The following CNTNAP4 variants were observed in gnomAD, a reference collection of about 807,000 sequenced individuals.
CNTNAP4 encodes the protein contactin-associated protein-like 4.
CNTNAP4 carries 98 observed loss-of-function variants against 148.4 expected under a neutral mutation model. That is an observed-to-expected ratio of 0.66 (90% CI 0.56 to 0.78). The LOEUF is 0.78. Among genes scored for constraint, CNTNAP4 ranks in the 30% least tolerant of loss-of-function variants. CNTNAP4 has a pLI of 0.00. For missense variants in CNTNAP4, 1,935 were observed against 1,565.6 expected, an observed-to-expected ratio of 1.24 and a Z score of -3.98; for synonymous variants, 730 against 565.1, an observed-to-expected ratio of 1.29 and a Z score of -4.14.
Position 76,436,322 on chromosome 16 carries a change from A to G in CNTNAP4, c.538+8723A>G, listed in dbSNP as rs552496875. 5.9e-5 allele frequency among the ~76,000 whole-genome samples: 9 copies of G among 152,242 alleles called. No individual in the cohort carries two copies. In the East Asian group the frequency reaches 1.7e-3, roughly 30 times the overall value. On this transcript the variant is annotated intron_variant, in intron 4 of 23. Transcript: ENST00000611870. ...TTACAAGGTCAGTGTCCCCAGCTTC[A>G]TCAGGGTCCTCCCGCACATCCCCAT...
intron 3 of CNTNAP4, among the ~76,000 whole-genome samples, chr16:76,398,291 C>T (rs2078283329): frequency 6.6e-6 from 1 of 151,798 alleles, no homozygotes; most frequent in Non-Finnish European, 1.5e-5. Context: ...TGTTAATCTC[C>T]TTTGGCAACA....
chr16:76,320,412 C>G (rs1236695247), intron 2 of CNTNAP4, among the ~76,000 whole-genome samples: 1 of 152,098 alleles, frequency 6.6e-6, no homozygotes, highest in Non-Finnish European at 1.5e-5. Context: ...TTGGAACATT[C>G]TTGGCCTATT....
intron 2 of CNTNAP4, among the ~76,000 whole-genome samples, chr16:76,320,949 T>C (rs1425339741): frequency 6.6e-6 from 1 of 152,196 alleles, no homozygotes; most frequent in Admixed American, 6.5e-5. Context: ...GTACACCTCT[T>C]TAAGTATATA....
intron 15 of CNTNAP4, among the ~76,000 whole-genome samples, chr16:76,519,664 T>C (rs1597037994): frequency 6.6e-6 from 1 of 152,220 alleles, no homozygotes; most frequent in South Asian, 2.1e-4. Context: ...ATTTATTTTG[T>C]CCTAGAGATC....
At chr16:76,445,767 CA>C (rs1378262143) in intron 4 of CNTNAP4, among the ~76,000 whole-genome samples, 1 of 152,076 alleles carries the variant, frequency 6.6e-6, no homozygotes, top group Non-Finnish European at 1.5e-5. Context: ...TAGCTAATTT[CA>C]AAAATAGTCT....
intron 2 of CNTNAP4, among the ~76,000 whole-genome samples, chr16:76,323,512 T>C (rs567825685): frequency 1.3e-5 from 2 of 152,330 alleles, no homozygotes; most frequent in African/African-American, 2.4e-5. Flanking sequence ...TTTCTAAATA[T>C]GCTGATATCT....
At chr16:76,368,940 T>C (rs1247104418) in intron 3 of CNTNAP4, among the ~76,000 whole-genome samples, 1 of 152,146 alleles carries the variant, frequency 6.6e-6, no homozygotes, top group African/African-American at 2.4e-5. Context: ...AGAACAGTTA[T>C]GGAACACTTC....
chr16:76,310,366 T>C (rs1960970079), intron 1 of CNTNAP4, among the ~76,000 whole-genome samples: 1 of 152,202 alleles, frequency 6.6e-6, no homozygotes. Flanking sequence ...GCAAACATAA[T>C]TCCATACTTT....
chr16:76,315,258 T>G (rs543787468), intron 1 of CNTNAP4, among the ~76,000 whole-genome samples: 19 of 152,178 alleles, frequency 1.2e-4, no homozygotes, highest in Middle Eastern at 3.4e-3. Context: ...CTGAGTACAT[T>G]TTTATTTCCA....
intron 2 of CNTNAP4, among the ~76,000 whole-genome samples, chr16:76,324,269 A>G (rs974144340): frequency 1.3e-5 from 2 of 152,228 alleles, no homozygotes. Context: ...ATTAAAATAT[A>G]TTCACAAAAT....
At chr16:76,453,535 A>T (rs375903399) in intron 8 of CNTNAP4, among the ~76,000 whole-genome samples, 10 of 152,208 alleles carry the variant, frequency 6.6e-5, no homozygotes, top group African/African-American at 2.4e-4. Context: ...CATCCAAGCC[A>T]AGCAACTAGA....
In CNTNAP4 at chr16:76,337,874, T is replaced by C. The variant is rs184927975; in HGVS notation, c.197-17444T>C. 3.9e-3 allele frequency among the ~76,000 whole-genome samples: 591 copies of C among 152,322 alleles called. 2 individuals are homozygous for C. The highest frequency in any genetic ancestry group is 0.02 in the Middle Eastern group (6 of 294). ...CTTGCTTTCTGCAAGAAGAAAAATA[T>C]GGCTCTATTCTGCCTGACCCCGCAG... On this transcript the variant is annotated intron_variant, in intron 2 of 23. Coordinates refer to ENST00000611870, the MANE Select transcript of CNTNAP4 (RefSeq NM_033401.5).
At chr16:76,287,008 C>T (rs7185337) in intron 1 of CNTNAP4, among the ~76,000 whole-genome samples, 24,415 of 152,118 alleles carry the variant, frequency 0.16, 3,989 homozygotes, top group African/African-American at 0.41. Context: ...ATTTGAACTG[C>T]TGTACTTTAA....
At chr16:76,296,401 T>C (rs758815196) in intron 1 of CNTNAP4, among the ~76,000 whole-genome samples, 7 of 152,196 alleles carry the variant, frequency 4.6e-5, no homozygotes, top group Admixed American at 2.0e-4. Context: ...AGCTGAGTTA[T>C]TTCAATGCTT....
intron 4 of CNTNAP4, among the ~76,000 whole-genome samples, chr16:76,427,834 A>G (rs1597501412): frequency 6.6e-6 from 1 of 152,170 alleles, no homozygotes; most frequent in Non-Finnish European, 1.5e-5. Flanking sequence ...ATACATATTT[A>G]CTGATACATG....
chr16:76,438,654 C>T (rs909147411), intron 4 of CNTNAP4, among the ~76,000 whole-genome samples: 2 of 152,052 alleles, frequency 1.3e-5, no homozygotes, highest in African/African-American at 4.8e-5. Flanking sequence ...CTGCCATTTA[C>T]TTCCCGCCAG....
At chr16:76,550,517 G>C (rs1254068440) in intron 21 of CNTNAP4, among the ~76,000 whole-genome samples, 1 of 152,056 alleles carries the variant, frequency 6.6e-6, no homozygotes, top group Non-Finnish European at 1.5e-5. Context: ...TGTCTGGTGG[G>C]GTGGGGCTGA....
intron 17 of CNTNAP4, among the ~76,000 whole-genome samples, chr16:76,527,143 A>G (rs1333233746): frequency 6.6e-6 from 1 of 152,144 alleles, no homozygotes; most frequent in African/African-American, 2.4e-5. Context: ...CAGAGAAAAT[A>G]TTTAATCTTC....
At chr16:76,355,542 C>G in intron 3 of CNTNAP4, 31 bp downstream of exon 3, 1 of 1,530,642 alleles carries the variant, frequency 6.5e-7, no homozygotes, top group Non-Finnish European at 8.8e-7. Flanking sequence ...CATAGTCTCT[C>G]GGGGAAAAAG....
Sources: allele counts gnomAD v4.1 joint callset (sites outside exome capture counted in the v4.1 genomes callset), GRCh38; gene constraint gnomAD v4.1.1; transcripts MANE v1.5; gene names NCBI Gene and HGNC (gene_info 2026-07-23, HGNC 2026-07-21).